Variants in RAPGEF1 observed in about 807,000 individuals in gnomAD.
RAPGEF1 encodes Rap guanine nucleotide exchange factor 1, also known as CRK SH3-binding GNRP.
A neutral mutation model predicts 143.3 loss-of-function variants in RAPGEF1; 33 were observed. The ratio of observed to expected loss-of-function variants is 0.23; its 90% CI spans 0.17 to 0.31. The LOEUF is 0.31. Ranked by LOEUF, RAPGEF1 falls within the 10% of genes least tolerant of loss-of-function variation. The pLI, the probability that RAPGEF1 is intolerant of heterozygous loss-of-function variation, is 1.00. For synonymous variants in RAPGEF1, 629 were observed against 676.5 expected (o/e 0.93, Z 1.09); for missense variants, 1,199 against 1,645.4 (o/e 0.73, Z 4.69).
chr9:131,713,155 T>C (rs1317414001), intron 1 of RAPGEF1, among the ~76,000 whole-genome samples: 2 of 152,112 alleles, frequency 1.3e-5, no homozygotes, highest in Non-Finnish European at 2.9e-5. Flanking sequence ...GCACAGCCAC[T>C]GTGATGAGTT....
chr9:131,736,798 C>T (rs1019093680), intron 1 of RAPGEF1, among the ~76,000 whole-genome samples: 1 of 152,176 alleles, frequency 6.6e-6, no homozygotes, highest in African/African-American at 2.4e-5. Context: ...ATTTAAGCAA[C>T]GTTTCTGTTG....
intron 1 of RAPGEF1, among the ~76,000 whole-genome samples, chr9:131,705,166 C>A (rs898511621): frequency 1.3e-5 from 2 of 152,202 alleles, no homozygotes; most frequent in Non-Finnish European, 2.9e-5. Context: ...ATTTATTGCA[C>A]GTCCACTGTG....
chr9:131,622,771 C>CTTT (rs35243547), intron 10 of RAPGEF1, among the ~76,000 whole-genome samples: 4 of 145,656 alleles, frequency 2.7e-5, no homozygotes, highest in African/African-American at 7.6e-5. Flanking sequence ...CTCACACTTC[C>CTTT]TTTTTTTTTT....
chr9:131,726,579 C>T (rs1001448041), intron 1 of RAPGEF1, among the ~76,000 whole-genome samples: 4 of 120,974 alleles, frequency 3.3e-5, no homozygotes, highest in South Asian at 4.7e-4. Context: ...TGAGCTGAGA[C>T]GGCACTGCTG....
At chr9:131,645,534 G>A (rs1357447049) in intron 3 of RAPGEF1, among the ~76,000 whole-genome samples, 2 of 152,242 alleles carry the variant, frequency 1.3e-5, no homozygotes, top group Non-Finnish European at 2.9e-5. Flanking sequence ...AGCACAGCCA[G>A]GCTGCCTCCG....
At chr9:131,722,215 T>A (rs1324140559) in intron 1 of RAPGEF1, among the ~76,000 whole-genome samples, 1 of 152,120 alleles carries the variant, frequency 6.6e-6, no homozygotes, top group Non-Finnish European at 1.5e-5. Flanking sequence ...CAGGTGGCGC[T>A]CCCACTCACA....
intron 1 of RAPGEF1, among the ~76,000 whole-genome samples, chr9:131,687,929 T>C (rs1833487182): frequency 1.3e-5 from 2 of 152,220 alleles, no homozygotes; most frequent in African/African-American, 4.8e-5. Flanking sequence ...GGAACAAGTG[T>C]GTTACCCACG....
At chr9:131,698,063 A>C (rs747041751) in intron 1 of RAPGEF1, among the ~76,000 whole-genome samples, 3 of 152,192 alleles carry the variant, frequency 2.0e-5, no homozygotes, top group Non-Finnish European at 4.4e-5. Context: ...ACCAGCTGAG[A>C]GCAGAGACAT....
chr9:131,604,885 GGTGT>G (rs58627149), intron 13 of RAPGEF1, 42 bp downstream of exon 13: 3,255 of 1,167,276 alleles, frequency 2.8e-3, no homozygotes, highest in East Asian at 8.8e-3. Flanking sequence ...CATGTGCAGG[GGTGT>G]GTGTGTGTGT....
At chr9:131,585,176 G>A (rs938596586) in intron 22 of RAPGEF1, among the ~76,000 whole-genome samples, 27 of 152,164 alleles carry the variant, frequency 1.8e-4, no homozygotes, top group Admixed American at 1.1e-3. Flanking sequence ...AGGTGGTGCC[G>A]CACTTTGCAC....
chr9:131,602,390 T>A (rs1306029802), intron 14 of RAPGEF1, among the ~76,000 whole-genome samples: 1 of 152,200 alleles, frequency 6.6e-6, no homozygotes, highest in Admixed American at 6.5e-5. Flanking sequence ...GCTGCCAACC[T>A]AGGCAAAGCC....
In RAPGEF1 at chr9:131,715,762, G is replaced by A. The variant is rs182145832; in HGVS notation, c.61+24008C>T. On this transcript the variant is annotated intron_variant, in intron 1 of 26. Coordinates refer to ENST00000683357, the MANE Select transcript of RAPGEF1 (RefSeq NM_001377935.1). ...ACCTGTACTCCCAAGCTACTCGGGA[G>A]GCTGAGGCAGAAGAATCACTTGAAC... 3.2e-3 allele frequency among the ~76,000 whole-genome samples: 479 copies of A among 151,834 alleles called. 2 individuals carry two copies. Among genetic ancestry groups the A allele is most frequent in the Non-Finnish European group, 4.6e-3 (310 of 67,974 alleles).
intron 15 of RAPGEF1, among the ~76,000 whole-genome samples, chr9:131,598,726 G>A (rs549338629): frequency 2.6e-4 from 40 of 152,298 alleles, no homozygotes; most frequent in African/African-American, 6.5e-4. Context: ...GACTTGCCAC[G>A]GGACCCTTTG....
At chr9:131,700,411 G>A (rs1271692057) in intron 1 of RAPGEF1, among the ~76,000 whole-genome samples, 1 of 151,932 alleles carries the variant, frequency 6.6e-6, no homozygotes, top group Non-Finnish European at 1.5e-5. Flanking sequence ...CCCTTCCCTG[G>A]CTCCTCTATA....
chr9:131,725,021 T>G (rs1836548745), intron 1 of RAPGEF1: 1 of 152,290 alleles, frequency 6.6e-6, no homozygotes, highest in Admixed American at 6.5e-5. Flanking sequence ...CCAGCTGTGC[T>G]ACCTGTTCAG....
intron 1 of RAPGEF1, among the ~76,000 whole-genome samples, chr9:131,697,432 C>T (rs1038868137): frequency 2.0e-5 from 3 of 152,208 alleles, no homozygotes; most frequent in Admixed American, 6.5e-5. Context: ...CCTAAATGAG[C>T]GAAGTGGCTT....
At chr9:131,730,806 A>G (rs1340693952) in intron 1 of RAPGEF1, among the ~76,000 whole-genome samples, 1 of 151,980 alleles carries the variant, frequency 6.6e-6, no homozygotes, top group East Asian at 1.9e-4. Context: ...TCAGGAGATT[A>G]AGCAATTTGC....
intron 17 of RAPGEF1, 78 bp from the exon 18 acceptor site, chr9:131,592,261 CT>C: frequency 8.3e-7 from 1 of 1,202,726 alleles, no homozygotes; most frequent in Non-Finnish European, 1.2e-6. Flanking sequence ...GATTTGAGTC[CT>C]TGCTCTGAGA....
chr9:131,689,451 A>C (rs1472779931), intron 1 of RAPGEF1, among the ~76,000 whole-genome samples: 2 of 152,236 alleles, frequency 1.3e-5, no homozygotes, highest in Non-Finnish European at 2.9e-5. Context: ...ATAAATATTA[A>C]GCATGACTAA....
Sources: gnomAD v4.1 joint callset for allele counts (sites outside exome capture counted in the v4.1 genomes callset) on GRCh38, gnomAD v4.1.1 for gene constraint, MANE v1.5 for transcripts, NCBI Gene and HGNC (gene_info 2026-07-23, HGNC 2026-07-21) for gene names.